The following RANBP2 variants were observed in gnomAD, a reference collection of about 807,000 sequenced individuals.
The protein encoded by RANBP2 is RAN binding protein 2, also known as E3 SUMO-protein ligase RanBP2.
RANBP2 carries 57 observed loss-of-function variants against 303.6 expected under a neutral mutation model. The ratio of observed to expected loss-of-function variants is 0.19; its 90% CI spans 0.15 to 0.23. The LOEUF is 0.23. Ranked by LOEUF, RANBP2 falls within the 10% of genes least tolerant of loss-of-function variation. The pLI is 1.00. For synonymous variants in RANBP2, 1,167 were observed against 1,301.5 expected (o/e 0.90, Z 2.23); for missense variants, 3,138 against 3,780.8 (o/e 0.83, Z 4.46).
intron 1 of RANBP2, among the ~76,000 whole-genome samples, chr2:108,724,185 C>T (rs1694511176): frequency 2.0e-5 from 3 of 152,098 alleles, no homozygotes; most frequent in Non-Finnish European, 2.9e-5. Flanking sequence ...TGTTTTGGGA[C>T]AGAGTCTTGC....
chr2:109,696,447 G>A, the RANBP2 span, among the ~76,000 whole-genome samples: 13 of 152,070 alleles, frequency 8.5e-5, no homozygotes, highest in African/African-American at 2.7e-4. Context: ...TGTCACCTTG[G>A]CATAATTGTC....
At chr2:108,876,284 G>A in the RANBP2 span, 1 of 1,271,222 alleles carries the variant, frequency 7.9e-7, no homozygotes, top group South Asian at 1.8e-5. Context: ...AGTATATGTG[G>A]TGCTTATTTA....
chr2:109,218,848 A>C, the RANBP2 span, among the ~76,000 whole-genome samples: 8 of 152,096 alleles, frequency 5.3e-5, no homozygotes, highest in African/African-American at 1.9e-4. Context: ...CACACACACA[A>C]ACACACAAAC....
chr2:108,805,461 C>A, the RANBP2 span, among the ~76,000 whole-genome samples: 2 of 152,098 alleles, frequency 1.3e-5, no homozygotes, highest in African/African-American at 2.4e-5. Context: ...CGCGGTGGCT[C>A]ACGCCTGTAA....
chr2:109,466,943 GTCTATATA>G, the RANBP2 span, among the ~76,000 whole-genome samples: 2 of 151,320 alleles, frequency 1.3e-5, no homozygotes, highest in African/African-American at 4.9e-5. Context: ...GTATGTGTGT[GTCTATATA>G]TCTGTGTGCA....
chr2:108,834,352 G>A, the RANBP2 span, among the ~76,000 whole-genome samples: 2 of 151,656 alleles, frequency 1.3e-5, no homozygotes, highest in South Asian at 2.1e-4. Flanking sequence ...AGCTGGGATT[G>A]CAGGTGCCCA....
chr2:109,117,587 C>A, the RANBP2 span, among the ~76,000 whole-genome samples: 1 of 152,226 alleles, frequency 6.6e-6, no homozygotes, highest in Non-Finnish European at 1.5e-5. Flanking sequence ...TTGCGCTTCC[C>A]GAGGGAGGCA....
intron 15 of RANBP2, 63 bp from the exon 16 acceptor site, chr2:108,754,842 A>T (rs1676173793): frequency 5.0e-6 from 8 of 1,604,938 alleles, no homozygotes; most frequent in South Asian, 1.1e-5. Flanking sequence ...ATATCATTTT[A>T]GAGTTTTTAC....
At chr2:109,073,225 C>G in the RANBP2 span, among the ~76,000 whole-genome samples, 1 of 151,948 alleles carries the variant, frequency 6.6e-6, no homozygotes, top group Non-Finnish European at 1.5e-5. Flanking sequence ...TAAAAAGTGC[C>G]AAACAGAAAT....
At chr2:109,449,500 C>T in the RANBP2 span, 7 of 1,612,708 alleles carry the variant, frequency 4.3e-6, no homozygotes, top group Non-Finnish European at 5.1e-6. Context: ...GTAAGAGGCC[C>T]ATCCTGGACG....
chr2:109,108,275 G>A, the RANBP2 span, among the ~76,000 whole-genome samples: 1 of 152,128 alleles, frequency 6.6e-6, no homozygotes, highest in South Asian at 2.1e-4. Context: ...TCTTGACCTC[G>A]TTATCCGCCT....
the RANBP2 span, among the ~76,000 whole-genome samples, chr2:109,549,675 G>A: frequency 3.9e-5 from 6 of 152,134 alleles, no homozygotes; most frequent in African/African-American, 1.4e-4. Context: ...TTCCACGGGG[G>A]ATACATTCCA....
chr2:108,854,035 A>ATTT, the RANBP2 span, among the ~76,000 whole-genome samples: 7 of 108,714 alleles, frequency 6.4e-5, no homozygotes, highest in African/African-American at 2.9e-4. Context: ...TATATTATAT[A>ATTT]TAATATATAA....
At chr2:109,299,205 C>T in the RANBP2 span, among the ~76,000 whole-genome samples, 1 of 152,236 alleles carries the variant, frequency 6.6e-6, no homozygotes, top group African/African-American at 2.4e-5. Context: ...AAAACTGCGA[C>T]CCTGCCTCCC....
the RANBP2 span, among the ~76,000 whole-genome samples, chr2:109,335,263 C>T: frequency 1.1e-4 from 17 of 152,376 alleles, no homozygotes; most frequent in South Asian, 6.2e-4. Flanking sequence ...CCGTCCCACA[C>T]GAGAACGGCT....
At chr2:109,114,321 G>A in the RANBP2 span, among the ~76,000 whole-genome samples, 3 of 152,150 alleles carry the variant, frequency 2.0e-5, no homozygotes, top group Non-Finnish European at 4.4e-5. Context: ...CCTGTTATTG[G>A]TCTATTCAGA....
chr2:109,419,081 C>T, the RANBP2 span, among the ~76,000 whole-genome samples: 6 of 152,196 alleles, frequency 3.9e-5, no homozygotes, highest in Admixed American at 1.3e-4. Flanking sequence ...GTCCTCTTGG[C>T]CTGCTGCTCT....
chr2:109,643,824 G>A, the RANBP2 span, among the ~76,000 whole-genome samples: 1,436 of 149,570 alleles, frequency 9.6e-3, 63 homozygotes, highest in East Asian at 0.13. Flanking sequence ...ACTCATTTGA[G>A]TAATAATAGA....
the RANBP2 span, among the ~76,000 whole-genome samples, chr2:109,032,475 C>T: frequency 6.6e-6 from 1 of 152,204 alleles, no homozygotes; most frequent in Admixed American, 6.5e-5. Flanking sequence ...TGACATCGGT[C>T]GAATGTGTGA....
Sources: gnomAD v4.1 joint callset for allele counts (sites outside exome capture counted in the v4.1 genomes callset) on GRCh38, gnomAD v4.1.1 for gene constraint, MANE v1.5 for transcripts, NCBI Gene and HGNC (gene_info 2026-07-23, HGNC 2026-07-21) for gene names.